NAV1: variants seen among roughly 807,000 people sequenced by gnomAD.
NAV1 encodes neuron navigator 1.
A neutral mutation model predicts 175.2 loss-of-function variants in NAV1; 18 were observed. The observed-to-expected ratio is 0.10, with a 90% CI of 0.07 to 0.15. NAV1 has a LOEUF of 0.15. NAV1 is among the 10% of genes least tolerant of loss of function. The probability of loss-of-function intolerance (pLI) is 1.00; values close to 1 mark genes in which losing one functional copy is unlikely to be tolerated. For missense variants in NAV1, 1,731 were observed against 2,436.6 expected (o/e 0.71, Z 6.10); for synonymous variants, 897 against 978.7 (o/e 0.92, Z 1.56).
At chr1:201,612,084 A>ATG (rs141859547) in intron 2 of NAV1, among the ~76,000 whole-genome samples, 33 of 151,550 alleles carry the variant, frequency 2.2e-4, no homozygotes, top group Admixed American at 1.4e-3. Context: ...GTGTGTCAGA[A>ATG]TGTGTGTGTG....
intron 3 of NAV1, among the ~76,000 whole-genome samples, chr1:201,778,511 T>C (rs1384108937): frequency 1.3e-5 from 2 of 152,222 alleles, no homozygotes; most frequent in South Asian, 2.1e-4. Context: ...CAGTATTCTT[T>C]CTCTACAAAG....
intron 2 of NAV1, among the ~76,000 whole-genome samples, chr1:201,604,952 T>G (rs1429867054): frequency 6.6e-6 from 1 of 152,184 alleles, no homozygotes; most frequent in African/African-American, 2.4e-5. Flanking sequence ...TTTTCTGCCC[T>G]GATATTTAAG....
chr1:201,825,040 A>C (rs1219968502), exon 30 of NAV1: 1 of 152,198 alleles, frequency 6.6e-6, no homozygotes, highest in Non-Finnish European at 1.5e-5. Context: ...TCAGACTTTA[A>C]CATTAATTTC....
intron 3 of NAV1, among the ~76,000 whole-genome samples, chr1:201,727,404 G>A (rs369406479): frequency 2.0e-5 from 3 of 152,186 alleles, no homozygotes; most frequent in South Asian, 2.1e-4. Flanking sequence ...CAATGTTCTC[G>A]TGCAGCAAAT....
At chr1:201,547,044 T>C (rs1052082483) in intron 1 of NAV1, among the ~76,000 whole-genome samples, 7 of 150,894 alleles carry the variant, frequency 4.6e-5, no homozygotes, top group Non-Finnish European at 7.4e-5. Flanking sequence ...TGGAGTGCAA[T>C]GGCACGATCT....
intron 15 of NAV1, chr1:201,796,999 A>G (rs1486688727): frequency 1.3e-5 from 2 of 152,204 alleles, no homozygotes; most frequent in African/African-American, 2.4e-5. Flanking sequence ...TTCATGAGGC[A>G]TCATTTATCT....
At chr1:201,739,765 G>T in intron 3 of NAV1, 1 of 1,203,332 alleles carries the variant, frequency 8.3e-7, no homozygotes, top group East Asian at 3.4e-5. Context: ...GAGCCCGCTC[G>T]CAGCCTGCAT....
At chr1:201,799,434 CTTTAT>C (rs1677698244) in intron 15 of NAV1, among the ~76,000 whole-genome samples, 4 of 152,276 alleles carry the variant, frequency 2.6e-5, no homozygotes, top group East Asian at 1.9e-4. Flanking sequence ...TAATGCCTAT[CTTTAT>C]TTTATTTTAT....
intron 1 of NAV1, among the ~76,000 whole-genome samples, chr1:201,712,283 T>C (rs908763584): frequency 6.6e-6 from 1 of 152,218 alleles, no homozygotes; most frequent in East Asian, 1.9e-4. Context: ...TTAGCCCCTC[T>C]TCCTAACTCT....
chr1:201,786,920 T>G (rs1238208279), intron 9 of NAV1, among the ~76,000 whole-genome samples: 2 of 152,124 alleles, frequency 1.3e-5, no homozygotes, highest in African/African-American at 4.8e-5. Context: ...CCAGTACTAC[T>G]AGGGCCAGCT....
intron 1 of NAV1, among the ~76,000 whole-genome samples, chr1:201,565,565 C>T (rs1360838536): frequency 6.6e-6 from 1 of 152,250 alleles, no homozygotes; most frequent in African/African-American, 2.4e-5. Context: ...AACAGAAGGG[C>T]CCCTTCTTTG....
At chr1:201,642,751 CTTCTTTTCTT>C (rs1296391989) in intron 2 of NAV1, among the ~76,000 whole-genome samples, 3 of 140,786 alleles carry the variant, frequency 2.1e-5, no homozygotes, top group African/African-American at 8.0e-5. Context: ...TCCCTCCCTC[CTTCTTTTCTT>C]TTCTTTTCTC....
chr1:201,682,766 G>A (rs1670516350), intron 1 of NAV1, among the ~76,000 whole-genome samples: 1 of 151,794 alleles, frequency 6.6e-6, no homozygotes, highest in Non-Finnish European at 1.5e-5. Flanking sequence ...TCAAGTCCAT[G>A]GTGTTCAAGG....
intron 3 of NAV1, among the ~76,000 whole-genome samples, chr1:201,728,458 G>A (rs926981704): frequency 5.3e-5 from 8 of 152,118 alleles, no homozygotes; most frequent in African/African-American, 1.2e-4. Context: ...GCCTGGTGTC[G>A]TGGCAGGCTC....
exon 1 of NAV1, chr1:201,649,109 C>T (rs2102331731): frequency 6.2e-7 from 1 of 1,612,848 alleles, no homozygotes; most frequent in African/African-American, 1.3e-5. Flanking sequence ...ACTCGCTCTT[C>T]CAGGCCAAGG....
chr1:201,792,343 T>G (rs78652393), intron 13 of NAV1: 2,918 of 152,230 alleles, frequency 0.019, 94 homozygotes, highest in African/African-American at 0.067. Context: ...ACCCTAGATG[T>G]AGGGGCCCAG....
At chr1:201,592,141 A>G (rs1667218192) in intron 2 of NAV1, among the ~76,000 whole-genome samples, 1 of 152,138 alleles carries the variant, frequency 6.6e-6, no homozygotes, top group Non-Finnish European at 1.5e-5. Flanking sequence ...CCCCACCTGC[A>G]TGGGAAGCAC....
At chr1:201,652,154 C>G (rs2102338588) in intron 1 of NAV1, among the ~76,000 whole-genome samples, 1 of 150,870 alleles carries the variant, frequency 6.6e-6, no homozygotes, top group South Asian at 2.1e-4. Flanking sequence ...AGACACTGGG[C>G]ATTTGTCCCC....
At chr1:201,712,027 T>G (rs980226223) in intron 1 of NAV1, among the ~76,000 whole-genome samples, 2 of 152,216 alleles carry the variant, frequency 1.3e-5, no homozygotes, top group African/African-American at 4.8e-5. Context: ...TTCTGAGGAT[T>G]GGGCCACACC....
Sources: gnomAD v4.1 joint callset for allele counts (sites outside exome capture counted in the v4.1 genomes callset) on GRCh38, gnomAD v4.1.1 for gene constraint, MANE v1.5 for transcripts, NCBI Gene and HGNC (gene_info 2026-07-23, HGNC 2026-07-21) for gene names.